Variants in DTNB observed in about 807,000 individuals in gnomAD.
The protein encoded by DTNB is DTN-B.
DTNB carries 63 observed loss-of-function variants against 90.7 expected under a neutral mutation model. The observed-to-expected ratio is 0.69, with a 90% CI of 0.57 to 0.86. The LOEUF (loss-of-function observed/expected upper bound fraction) is 0.86. Among genes scored for constraint, DTNB ranks in the 40% least tolerant of loss-of-function variants. The pLI is 0.00. For missense variants in DTNB, 744 were observed against 807.1 expected, an observed-to-expected ratio of 0.92 and a Z score of 0.95; for synonymous variants, 277 against 286.7, an observed-to-expected ratio of 0.97 and a Z score of 0.34.
chr2:25,412,953 C>T (rs544805886), intron 16 of DTNB, among the ~76,000 whole-genome samples: 7 of 152,332 alleles, frequency 4.6e-5, no homozygotes, highest in African/African-American at 1.7e-4. Flanking sequence ...CCTAGTGTCC[C>T]TCTGTAACAT....
intron 8 of DTNB, among the ~76,000 whole-genome samples, chr2:25,570,898 C>G (rs969857886): frequency 1.3e-5 from 2 of 152,196 alleles, no homozygotes; most frequent in African/African-American, 4.8e-5. Flanking sequence ...ATACTTCTAT[C>G]TCAGACTTCT....
chr2:25,388,076 G>T, intron 17 of DTNB, 126 bp downstream of exon 17: 1 of 1,448,722 alleles, frequency 6.9e-7, no homozygotes, highest in Non-Finnish European at 9.2e-7. Flanking sequence ...TATTTACACT[G>T]TCTGTCAAAA....
chr2:25,437,330 C>T (rs1169270630), intron 12 of DTNB, among the ~76,000 whole-genome samples: 5 of 151,508 alleles, frequency 3.3e-5, no homozygotes, highest in African/African-American at 9.7e-5. Context: ...GGCATGATCT[C>T]GGTTCACTGC....
chr2:25,543,701 CTTA>C (rs945410485), intron 8 of DTNB, among the ~76,000 whole-genome samples: 1 of 152,080 alleles, frequency 6.6e-6, no homozygotes, highest in African/African-American at 2.4e-5. Context: ...ATTTTTATGG[CTTA>C]TTATGTCATT....
At chr2:25,659,683 T>C (rs181096488) in intron 1 of DTNB, among the ~76,000 whole-genome samples, 1 of 152,122 alleles carries the variant, frequency 6.6e-6, no homozygotes, top group African/African-American at 2.4e-5. Context: ...AGCTACAAAT[T>C]GCCAGAACTC....
At position 25,491,577 on chromosome 2, in the gene DTNB, A is replaced by G. The variant is rs1002272214; in HGVS notation, c.1002-8704T>C. 2.0e-5 allele frequency among the ~76,000 whole-genome samples: 3 copies of G among 152,132 alleles called. No individual in the cohort carries two copies. In the South Asian group the frequency reaches 6.2e-4, roughly 32 times the overall value. On this transcript the variant is annotated intron_variant, in intron 9 of 20. Transcript: ENST00000406818. ...GAGACTATTCTCCAAAAATGGGATG[A>G]CATTATTCGCTGTTATATTTGGTGG...
chr2:25,419,537 T>C lies in DTNB; in HGVS notation c.1555-2A>G. The C allele has an allele frequency of 6.4e-7, 1 of 1,556,386 alleles. No individual in the cohort carries two copies. Among genetic ancestry groups the C allele is most frequent in the Non-Finnish European group, 8.7e-7 (1 of 1,149,714 alleles). The stretch of plus-strand genomic sequence containing the variant: ...TACTGCCTGCTTTTGCTCTTCCTCC[T>C]GGAGTGTTGAAGATGAAAAAAAAAG... On this transcript the variant is annotated splice_acceptor_variant, in intron 15 of 20. Transcript: ENST00000406818. LOFTEE classifies it high-confidence loss of function.
At chr2:25,551,227 A>G (rs141172226) in intron 8 of DTNB, among the ~76,000 whole-genome samples, 7 of 152,292 alleles carry the variant, frequency 4.6e-5, no homozygotes, top group Non-Finnish European at 8.8e-5. Flanking sequence ...CCTGTTTATT[A>G]TGATTTCTGC....
intron 8 of DTNB, among the ~76,000 whole-genome samples, chr2:25,546,392 G>C (rs111435505): frequency 6.6e-6 from 1 of 152,214 alleles, no homozygotes; most frequent in Non-Finnish European, 1.5e-5. Context: ...GGTAGATTTT[G>C]TAAGTTTTCT....
intron 3 of DTNB, among the ~76,000 whole-genome samples, chr2:25,630,488 T>C (rs2075419733): frequency 6.6e-6 from 1 of 152,150 alleles, no homozygotes; most frequent in Non-Finnish European, 1.5e-5. Context: ...TCAATATAGA[T>C]ACACGGATAA....
At chr2:25,455,369 C>T in intron 11 of DTNB, 36 bp downstream of exon 11, 2 of 1,552,762 alleles carry the variant, frequency 1.3e-6, no homozygotes, top group Non-Finnish European at 1.7e-6. Context: ...CCTCTGATCA[C>T]CCGTGGCTAC....
At chr2:25,471,176 C>T (rs889246272) in intron 10 of DTNB, among the ~76,000 whole-genome samples, 1 of 152,200 alleles carries the variant, frequency 6.6e-6, no homozygotes, top group African/African-American at 2.4e-5. Flanking sequence ...AGCCCAATGA[C>T]ATGCCAGGCT....
chr2:25,669,676 C>A (rs777965623), intron 1 of DTNB, among the ~76,000 whole-genome samples: 1 of 152,164 alleles, frequency 6.6e-6, no homozygotes, highest in Admixed American at 6.5e-5. Flanking sequence ...TAAAAGGACA[C>A]GTGCGCTGTG....
At chr2:25,566,315 G>A (rs1262642150) in intron 8 of DTNB, among the ~76,000 whole-genome samples, 2 of 152,200 alleles carry the variant, frequency 1.3e-5, no homozygotes, top group Non-Finnish European at 2.9e-5. Flanking sequence ...CGAACAGGGA[G>A]CCAGCAGGAG....
intron 16 of DTNB, among the ~76,000 whole-genome samples, chr2:25,388,895 G>A (rs968968454): frequency 6.6e-6 from 1 of 151,836 alleles, no homozygotes; most frequent in Non-Finnish European, 1.5e-5. Context: ...TTGCCCAGGT[G>A]GAGTGCAGTG....
chr2:25,578,906 T>C (rs978562047), intron 7 of DTNB, among the ~76,000 whole-genome samples: 6 of 150,918 alleles, frequency 4.0e-5, no homozygotes, highest in African/African-American at 1.5e-4. Context: ...TTATAATTTG[T>C]TTCTCACCAT....
chr2:25,578,299 T>C (rs1343590282), intron 7 of DTNB, among the ~76,000 whole-genome samples: 1 of 152,180 alleles, frequency 6.6e-6, no homozygotes, highest in South Asian at 2.1e-4. Flanking sequence ...TTTTTTGCCA[T>C]CAAGGTATTT....
At chr2:25,611,197 A>G (rs2068530284) in intron 4 of DTNB, among the ~76,000 whole-genome samples, 1 of 152,218 alleles carries the variant, frequency 6.6e-6, no homozygotes, top group African/African-American at 2.4e-5. Context: ...TGTTGTATGA[A>G]TATACTGCAT....
chr2:25,563,862 T>C (rs2058613617), intron 8 of DTNB, among the ~76,000 whole-genome samples: 1 of 152,190 alleles, frequency 6.6e-6, no homozygotes, highest in South Asian at 2.1e-4. Context: ...TCAGGAAGTG[T>C]GAGTCTTCCA....
Sources: gnomAD v4.1 joint callset for allele counts (sites outside exome capture counted in the v4.1 genomes callset) on GRCh38, gnomAD v4.1.1 for gene constraint, MANE v1.5 for transcripts, NCBI Gene and HGNC (gene_info 2026-07-23, HGNC 2026-07-21) for gene names.